UNC13A: variants seen among roughly 807,000 people sequenced by gnomAD.
UNC13A encodes the protein unc-13 homolog A.
Under a neutral mutation model 219.7 loss-of-function variants are expected in UNC13A, and 61 were observed. The ratio of observed to expected loss-of-function variants is 0.28; its 90% CI spans 0.23 to 0.34. UNC13A has a LOEUF of 0.34. Ranked by LOEUF, UNC13A falls within the 10% of genes least tolerant of loss-of-function variation. UNC13A has a pLI of 1.00. For synonymous variants in UNC13A, 920 were observed against 884.6 expected, an observed-to-expected ratio of 1.04 and a Z score of -0.71; for missense variants, 1,476 against 2,270.3, an observed-to-expected ratio of 0.65 and a Z score of 7.11.
At position 17,620,699 on chromosome 19, in the gene UNC13A, G is replaced by A; in HGVS notation, c.4266C>T (p.His1422=). Residue 1422 remains histidine, a synonymous_variant, in exon 38 of 44, where the codon CAC becomes CAT. Coordinates refer to ENST00000519716, the MANE Select transcript of UNC13A (RefSeq NM_001080421.3). The part of the protein sequence containing the change: ...LEKGRVKLPS[H]SDGTQMIFNA... ...AGTGAGAGGCCGGTCTTACGTCTGA[G>A]TGGCTTGGCAATTTCACCCTGCCCT... 1.9e-6 allele frequency: 3 copies of A among 1,613,112 alleles called. No homozygotes were observed. Among genetic ancestry groups the A allele is most frequent in the Non-Finnish European group, 2.5e-6 (3 of 1,179,678 alleles).
In UNC13A at chr19:17,629,225, G is replaced by A. The variant is rs58293139; in HGVS notation, c.3753+15C>T. Reference sequence around the variant, plus strand: ...GGCTGAGGAGGGAGATAGGTCAGGGGCCCCCTCAGGTCACCACTTTCTCCT... The same window carrying A: ...GGCTGAGGAGGGAGATAGGTCAGGGACCCCCTCAGGTCACCACTTTCTCCT... On this transcript the variant is annotated intron_variant, in intron 31 of 43. Coordinates refer to ENST00000519716, the MANE Select transcript of UNC13A (RefSeq NM_001080421.3). The A allele has an allele frequency of 1.6e-3, 2,487 of 1,598,696 alleles. 37 individuals are homozygous for A. The African/African-American group carries it at 0.029, about 19-fold the overall frequency.
Position 17,630,740 on chromosome 19 carries a change from G to C in UNC13A, c.3439C>G (p.Pro1147Ala). 1.9e-6 allele frequency: 3 copies of C among 1,613,650 alleles called. No homozygotes were observed. The highest frequency in any genetic ancestry group is 2.5e-6 in the Non-Finnish European group (3 of 1,179,780). The change falls in exon 29 of 44, where the codon CCC (proline) becomes GCC (alanine). Residue 1147 changes from proline (P) to alanine (A), a missense_variant. This residue lies in a region of UNC13A where 218 missense variants were observed against 409.4 expected (regional missense o/e 0.53). Coordinates refer to ENST00000519716, the MANE Select transcript of UNC13A (RefSeq NM_001080421.3). ...TCATCCAGCCACTGGATGACGAAGGGTTCAAACCATCTGGAATGAAGAGCC... is the reference window on the plus strand; with the variant it reads ...TCATCCAGCCACTGGATGACGAAGGCTTCAAACCATCTGGAATGAAGAGCC... ...RVPEYPAWFE[P>A]FVIQWLDENE... is the part of the protein sequence containing the mutation.
intron 6 of UNC13A, among the ~76,000 whole-genome samples, chr19:17,667,177 G>A (rs996687252): frequency 2.6e-5 from 4 of 152,068 alleles, no homozygotes; most frequent in Non-Finnish European, 4.4e-5. Context: ...CTTGAACCCG[G>A]GAGGTGGAGG....
Position 17,649,666 on chromosome 19 carries a change from C to A in UNC13A, c.1440-79G>T. ...AGCCCTGGGGAGAACATTCAACCTC[C>A]CCCAGGTGTTAAGGGGTTGAATTGG... On this transcript the variant is annotated intron_variant, in intron 12 of 43. Transcript: ENST00000519716. The surrounding 1 kb of genome is among the most constrained non-coding windows in gnomAD (Gnocchi z 4.4). 1 of 1,529,762 alleles carries A rather than the reference C, an allele frequency of 6.5e-7. No individual in the cohort carries two copies. Among genetic ancestry groups the A allele is most frequent in the Non-Finnish European group, 9.1e-7 (1 of 1,104,904 alleles). 94.8% of individuals were successfully genotyped at this position (1,529,762 alleles called of 1,614,324 possible). A position where few individuals can be genotyped will look rare whatever the true frequency, so the allele number is the denominator to read the frequency against.
intron 43 of UNC13A, among the ~76,000 whole-genome samples, chr19:17,606,764 C>A (rs1385774391): frequency 6.6e-6 from 1 of 152,072 alleles, no homozygotes; most frequent in Non-Finnish European, 1.5e-5. Context: ...TTTAACCAGG[C>A]TCTCCTCTAG....
intron 30 of UNC13A, 147 bp from the exon 31 acceptor site, chr19:17,629,470 C>CACAAGATGACCA: frequency 1.6e-6 from 1 of 630,640 alleles, no homozygotes; most frequent in East Asian, 2.8e-5. Context: ...AAATTCTCCA[C>CACAAGATGACCA]TCAAGATGAC....
rs903541610 is a variant in UNC13A, at chr19:17,679,379, G to A, written c.23-3338C>T. Among the ~76,000 whole-genome samples the A allele has an allele frequency of 9.2e-5, 14 of 151,816 alleles. No homozygotes were observed. In the East Asian group the frequency reaches 2.5e-3, roughly 27 times the overall value. On this transcript the variant is annotated intron_variant, in intron 1 of 43. Transcript: ENST00000519716. The stretch of plus-strand genomic sequence containing the variant: ...CACGCCATTGCACTCCAGCCTGGGC[G>A]ACAGAGCAAGACTCTGTCTCAAAAA...
Position 17,604,110 on chromosome 19 carries a change from G to A in UNC13A, c.*1944C>T, listed in dbSNP as rs987256920. On this transcript the variant is annotated 3_prime_UTR_variant, in exon 44 of 44. Coordinates refer to ENST00000519716, the MANE Select transcript of UNC13A (RefSeq NM_001080421.3). ...TATAGTCATGTCCCCACAGCTATAG[G>A]TGTCTTTTCAACACAGCCTTCAGAA... The A allele has an allele frequency of 2.0e-5, 3 of 152,122 alleles. No individual in the cohort carries two copies. Among genetic ancestry groups the A allele is most frequent in the South Asian group, 2.1e-4 (1 of 4,822 alleles). The allele number at this position is 152,122 out of a possible 1,614,324, so 9.4% of individuals were successfully genotyped here.
At chr19:17,658,991 T>A (rs1292489647) in intron 8 of UNC13A, among the ~76,000 whole-genome samples, 2 of 151,922 alleles carry the variant, frequency 1.3e-5, no homozygotes, top group African/African-American at 4.8e-5. Flanking sequence ...AAAAAAAAAA[T>A]TCCAATTCTA....
Position 17,635,497 on chromosome 19 carries a change from T to C in UNC13A, c.3215+527A>G, listed in dbSNP as rs148138535. On this transcript the variant is annotated intron_variant, in intron 26 of 43. Coordinates refer to ENST00000519716, the MANE Select transcript of UNC13A (RefSeq NM_001080421.3). The stretch of plus-strand genomic sequence containing the variant: ...TTCTACAGACATATAAATCCACAAA[T>C]GAAAACTGTGCCCATATTCATACAC... 2.6e-3 allele frequency among the ~76,000 whole-genome samples: 396 copies of C among 152,140 alleles called. 5 individuals carry two copies. The highest frequency in any genetic ancestry group is 8.8e-3 in the African/African-American group (367 of 41,550).
rs760679449 is a variant in UNC13A, at chr19:17,668,206, T to G, written c.395-16A>C. The G allele has an allele frequency of 6.2e-7, 1 of 1,611,532 alleles. No homozygotes were observed. Among genetic ancestry groups the G allele is most frequent in the South Asian group, 1.1e-5 (1 of 90,898 alleles). On this transcript the variant is annotated splice_polypyrimidine_tract_variant and intron_variant, in intron 5 of 43. Transcript: ENST00000519716. Reference sequence around the variant, plus strand: ...TCAGGAATGTCTGCAAGCAGAGCCCTGTCTGTGAGCCTGGAAGACCCTCCC... The same window carrying G: ...TCAGGAATGTCTGCAAGCAGAGCCCGGTCTGTGAGCCTGGAAGACCCTCCC...
Position 17,629,314 on chromosome 19 carries a change from T to C in UNC13A, c.3679A>G (p.Asn1227Asp). Residue 1227 changes from asparagine (N) to aspartate (D), a missense_variant, in exon 31 of 44, where the codon AAT becomes GAT. Around this residue, in one of 14 missense-constraint regions of UNC13A, gnomAD observed 218 missense variants for 409.4 expected, o/e 0.53. Coordinates refer to ENST00000519716, the MANE Select transcript of UNC13A (RefSeq NM_001080421.3). The stretch of plus-strand genomic sequence containing the variant: ...ATGTCTGCATACTGGAGGAGCACAT[T>C]ACTGATGGTCTGGGGAAGACACAGA... ...YMRRFAKTIS[N>D]VLLQYADIIS... is the part of the protein sequence containing the mutation. 1 of 1,611,120 alleles carries C rather than the reference T, an allele frequency of 6.2e-7. No individual in the cohort carries two copies. Among genetic ancestry groups the C allele is most frequent in the Non-Finnish European group, 8.5e-7 (1 of 1,178,794 alleles).
rs956091195 is a variant in UNC13A, at chr19:17,674,198, G to A, written c.152+459C>T. 7.2e-5 allele frequency among the ~76,000 whole-genome samples: 11 copies of A among 152,182 alleles called. No homozygotes were observed. The highest frequency in any genetic ancestry group is 2.4e-4 in the African/African-American group (10 of 41,436). On this transcript the variant is annotated intron_variant, in intron 3 of 43. Transcript: ENST00000519716. This position sits in a 1 kb window ranked among gnomAD's most constrained non-coding sequence, Gnocchi z 5.0. ...AAGGGCCCTGGGGCAAGAACAAGCTGGGAAGTGTTGGAGAAAGGGGCAGAG... is the reference window on the plus strand; with the variant it reads ...AAGGGCCCTGGGGCAAGAACAAGCTAGGAAGTGTTGGAGAAAGGGGCAGAG...
At chr19:17,619,030 C>T in intron 38 of UNC13A, 68 bp from the exon 39 acceptor site, 1 of 1,489,838 alleles carries the variant, frequency 6.7e-7, no homozygotes, top group East Asian at 2.3e-5. Context: ...CCCCAGAGAC[C>T]ATCTTGGTTC....
chr19:17,661,655 C>G (rs2079553122), intron 8 of UNC13A, among the ~76,000 whole-genome samples: 1 of 151,750 alleles, frequency 6.6e-6, no homozygotes, highest in Non-Finnish European at 1.5e-5. Flanking sequence ...GATCGCACCA[C>G]TATACTCCAG....
intron 34 of UNC13A, 83 bp downstream of exon 34, chr19:17,626,550 C>T: frequency 7.1e-7 from 1 of 1,399,248 alleles, no homozygotes; most frequent in Non-Finnish European, 9.4e-7. Context: ...ATTCCCTGCA[C>T]ACCCTCTCCA....
At chr19:17,639,803 C>T (rs373067954) in intron 23 of UNC13A, 37 bp downstream of exon 23, 286 of 1,608,650 alleles carry the variant, frequency 1.8e-4, no homozygotes, top group East Asian at 3.1e-4. Context: ...CACACATGTG[C>T]GTGGGGTGAG....
intron 41 of UNC13A, among the ~76,000 whole-genome samples, chr19:17,613,363 C>G (rs2076624799): frequency 6.6e-6 from 1 of 152,032 alleles, no homozygotes; most frequent in African/African-American, 2.4e-5. Context: ...GAGCTATGAT[C>G]CCGCCACTGC....
intron 35 of UNC13A, 28 bp from the exon 36 acceptor site, chr19:17,623,575 T>C (rs1291966560): frequency 1.3e-5 from 3 of 232,680 alleles, no homozygotes; most frequent in South Asian, 1.2e-4. Flanking sequence ...GGCGGGGCGG[T>C]GGGGGAGGGG....
Sources: gnomAD v4.1 joint callset for allele counts (sites outside exome capture counted in the v4.1 genomes callset) on GRCh38, gnomAD v4.1.1 for gene constraint, gnomAD v4.1.1 regional missense constraint, Gnocchi (gnomAD v3.1) non-coding constraint, MANE v1.5 for transcripts, NCBI Gene and HGNC (gene_info 2026-07-23, HGNC 2026-07-21) for gene names.